ETV6: variants seen among roughly 807,000 people sequenced by gnomAD.
ETV6 encodes the protein transcription factor ETV6.
Under a neutral mutation model 51.1 loss-of-function variants are expected in ETV6, and 16 were observed. The observed-to-expected ratio is 0.31, with a 90% CI of 0.21 to 0.48. The LOEUF (loss-of-function observed/expected upper bound fraction) is 0.48. ETV6 is among the 20% of genes least tolerant of loss of function. The probability of loss-of-function intolerance (pLI) is 0.99; values close to 1 mark genes in which losing one functional copy is unlikely to be tolerated. For synonymous variants in ETV6, 240 were observed against 224.1 expected, an observed-to-expected ratio of 1.07 and a Z score of -0.64; for missense variants, 458 against 594.8, an observed-to-expected ratio of 0.77 and a Z score of 2.39.
chr12:11,825,397 C>T (rs545198578), intron 2 of ETV6, among the ~76,000 whole-genome samples: 2 of 152,250 alleles, frequency 1.3e-5, no homozygotes, highest in South Asian at 2.1e-4. Context: ...TATTGAAGAA[C>T]GGCAAAGAAA....
chr12:11,735,710 C>G (rs111451298), intron 1 of ETV6, among the ~76,000 whole-genome samples: 10,928 of 152,202 alleles, frequency 0.072, 1,002 homozygotes, highest in African/African-American at 0.21. Flanking sequence ...AAGCGATTCT[C>G]GTCTCAGCCT....
At chr12:11,755,307 TC>T (rs1356529455) in intron 2 of ETV6, among the ~76,000 whole-genome samples, 1 of 152,248 alleles carries the variant, frequency 6.6e-6, no homozygotes, top group Non-Finnish European at 1.5e-5. Context: ...CCTTTCCATT[TC>T]ATCAGTAGTT....
chr12:11,808,152 A>G (rs2136414469), intron 2 of ETV6, among the ~76,000 whole-genome samples: 1 of 152,372 alleles, frequency 6.6e-6, no homozygotes, highest in South Asian at 2.1e-4. Context: ...GATAACAAGG[A>G]TGGCATACGT....
chr12:11,769,555 G>T (rs1375827726), intron 2 of ETV6, among the ~76,000 whole-genome samples: 1 of 152,182 alleles, frequency 6.6e-6, no homozygotes, highest in African/African-American at 2.4e-5. Flanking sequence ...TTCATAGTAA[G>T]GGGAGAAATG....
chr12:11,830,856 T>A (rs1946233689), intron 2 of ETV6, among the ~76,000 whole-genome samples: 1 of 152,178 alleles, frequency 6.6e-6, no homozygotes, highest in Non-Finnish European at 1.5e-5. Context: ...CACTCAAATC[T>A]GACAAATGAG....
At chr12:11,761,316 G>A (rs1318944223) in intron 2 of ETV6, among the ~76,000 whole-genome samples, 2 of 152,116 alleles carry the variant, frequency 1.3e-5, no homozygotes, top group Non-Finnish European at 2.9e-5. Context: ...TGAACTTGAA[G>A]GAAGATAAAT....
chr12:11,743,053 T>C (rs1865840018), intron 1 of ETV6, among the ~76,000 whole-genome samples: 1 of 152,046 alleles, frequency 6.6e-6, no homozygotes, highest in East Asian at 1.9e-4. Context: ...AGGGATCCTC[T>C]TGCCCTGGCC....
rs1947309859 is a variant in ETV6, at chr12:11,892,473, A to C, written c.*1427A>C. On this transcript the variant is annotated 3_prime_UTR_variant, in exon 8 of 8. Coordinates refer to ENST00000396373, the MANE Select transcript of ETV6 (RefSeq NM_001987.5). ...TATCTTGTAAAATGAGGGTAGTGCC[A>C]CTTCTTAGTATTTTTGAAAGCTGTT... 2 of 230,310 alleles carry C rather than the reference A, an allele frequency of 8.7e-6. No homozygotes were observed. Among genetic ancestry groups the C allele is most frequent in the East Asian group, 1.2e-4 (2 of 16,494 alleles). The allele number at this position is 230,310 out of a possible 1,614,324, so 14.3% of individuals were successfully genotyped here.
chr12:11,827,733 T>C (rs1404758467), intron 2 of ETV6, among the ~76,000 whole-genome samples: 1 of 152,036 alleles, frequency 6.6e-6, no homozygotes, highest in Non-Finnish European at 1.5e-5. Flanking sequence ...GACGGACAGA[T>C]CAGGTCCCAG....
At chr12:11,660,172 A>G (rs1864074113) in intron 1 of ETV6, among the ~76,000 whole-genome samples, 1 of 152,176 alleles carries the variant, frequency 6.6e-6, no homozygotes, top group Non-Finnish European at 1.5e-5. Flanking sequence ...CCCCCAAAAT[A>G]TGTACAACTA....
At chr12:11,879,056 C>G (rs1947044485) in intron 5 of ETV6, among the ~76,000 whole-genome samples, 2 of 152,090 alleles carry the variant, frequency 1.3e-5, no homozygotes, top group African/African-American at 4.8e-5. Context: ...TGCCACATGC[C>G]CCCAGTTCAG....
intron 2 of ETV6, among the ~76,000 whole-genome samples, chr12:11,805,167 G>A (rs979216654): frequency 6.6e-6 from 1 of 152,180 alleles, no homozygotes; most frequent in African/African-American, 2.4e-5. Context: ...TGCCTTCAGA[G>A]GCACTTGGAA....
chr12:11,718,042 A>G (rs1370683698), intron 1 of ETV6, among the ~76,000 whole-genome samples: 2 of 152,222 alleles, frequency 1.3e-5, no homozygotes, highest in East Asian at 1.9e-4. Flanking sequence ...ATGGGGGGAA[A>G]GTCAGGTTTT....
chr12:11,670,403 G>A (rs530413777), intron 1 of ETV6, among the ~76,000 whole-genome samples: 1 of 152,212 alleles, frequency 6.6e-6, no homozygotes, highest in Non-Finnish European at 1.5e-5. Flanking sequence ...TTCAAATAGT[G>A]GTCTTAGAAA....
At chr12:11,786,575 G>A (rs1008893098) in intron 2 of ETV6, among the ~76,000 whole-genome samples, 1 of 152,148 alleles carries the variant, frequency 6.6e-6, no homozygotes, top group Non-Finnish European at 1.5e-5. Flanking sequence ...TAATGTGCGG[G>A]ATTTAAGTTG....
chr12:11,818,857 C>T (rs1237535095), intron 2 of ETV6, among the ~76,000 whole-genome samples: 2 of 152,114 alleles, frequency 1.3e-5, no homozygotes, highest in Non-Finnish European at 2.9e-5. Flanking sequence ...GCAGCCTCAC[C>T]TCCTCCTGCA....
chr12:11,743,934 A>C (rs1865859112), intron 1 of ETV6, among the ~76,000 whole-genome samples: 1 of 152,244 alleles, frequency 6.6e-6, no homozygotes, highest in Non-Finnish European at 1.5e-5. Context: ...GAAGAGGCAA[A>C]GAATGCAGGT....
At chr12:11,872,194 A>G (rs745713812) in intron 5 of ETV6, among the ~76,000 whole-genome samples, 9 of 152,240 alleles carry the variant, frequency 5.9e-5, no homozygotes, top group Non-Finnish European at 1.0e-4. Flanking sequence ...CCACAGAGGA[A>G]ACTGAGCCCC....
Position 11,892,733 on chromosome 12 carries a change from CT to C in ETV6, c.*1688del, listed in dbSNP as rs1947314410. The C allele has an allele frequency of 4.3e-6, 1 of 232,992 alleles. No individual in the cohort carries two copies. The highest frequency in any genetic ancestry group is 2.2e-5 in the African/African-American group (1 of 45,326). The allele number at this position is 232,992 out of a possible 1,614,324, so 14.4% of individuals were successfully genotyped here. On this transcript the variant is annotated 3_prime_UTR_variant, in exon 8 of 8. Coordinates refer to ENST00000396373, the MANE Select transcript of ETV6 (RefSeq NM_001987.5). The stretch of plus-strand genomic sequence containing the variant: ...GCTCCCAGGTGAAGTTACCAGACCC[CT>C]GGGCTTCTCCCCAGCTTTTTCTGAG...
Sources: gnomAD v4.1 joint callset for allele counts (sites outside exome capture counted in the v4.1 genomes callset) on GRCh38, gnomAD v4.1.1 for gene constraint, MANE v1.5 for transcripts, NCBI Gene and HGNC (gene_info 2026-07-23, HGNC 2026-07-21) for gene names.